PRKG1: variants seen among roughly 807,000 people sequenced by gnomAD.
The protein encoded by PRKG1 is cGMP-dependent protein kinase 1.
PRKG1 carries 35 observed loss-of-function variants against 88.1 expected under a neutral mutation model. That is an observed-to-expected ratio of 0.40 (90% CI 0.30 to 0.53). The LOEUF is 0.53. Ranked by LOEUF, PRKG1 falls within the 20% of genes least tolerant of loss-of-function variation. The pLI is 0.59. For synonymous variants in PRKG1, 303 were observed against 292.5 expected (o/e 1.04, Z -0.37); for missense variants, 540 against 839.8 (o/e 0.64, Z 4.41).
chr10:52,144,332 A>G (rs1397497293), intron 8 of PRKG1, among the ~76,000 whole-genome samples: 1 of 152,240 alleles, frequency 6.6e-6, no homozygotes, highest in Admixed American at 6.5e-5. Flanking sequence ...TCAAACTAAA[A>G]TAATCTAGAT....
At chr10:51,776,363 A>C (rs970908286) in intron 3 of PRKG1, among the ~76,000 whole-genome samples, 6 of 152,184 alleles carry the variant, frequency 3.9e-5, no homozygotes, top group African/African-American at 1.4e-4. Context: ...AAAAAATCTA[A>C]TAGATAGCTA....
chr10:52,251,420 A>T lies in PRKG1; in HGVS notation c.1077-150A>T, dbSNP rs568737958. Reference sequence around the variant, plus strand: ...TCTGCACAACTGGGACCAAAAAATTATGAGTGTGAGAAAACACAAACTCTA... The same window carrying T: ...TCTGCACAACTGGGACCAAAAAATTTTGAGTGTGAGAAAACACAAACTCTA... On this transcript the variant is annotated intron_variant, in intron 9 of 17. Transcript: ENST00000373980. 5.0e-5 allele frequency: 31 copies of T among 619,680 alleles called. 1 individual carries two copies. The South Asian group carries it at 6.8e-4, about 14-fold the overall frequency. 38.4% of individuals were successfully genotyped at this position (619,680 alleles called of 1,614,324 possible).
chr10:51,072,901 G>A (rs1843853286), upstream of PRKG1, among the ~76,000 whole-genome samples: 1 of 152,076 alleles, frequency 6.6e-6, no homozygotes, highest in Non-Finnish European at 1.5e-5. Context: ...CAGTGTGCAA[G>A]TTATTTTGAT....
chr10:51,980,987 G>A (rs529015914), intron 5 of PRKG1, among the ~76,000 whole-genome samples: 3 of 152,188 alleles, frequency 2.0e-5, no homozygotes, highest in South Asian at 4.1e-4. Flanking sequence ...TTACATTCAA[G>A]GTTAATATTG....
intron 5 of PRKG1, among the ~76,000 whole-genome samples, chr10:52,031,260 C>T (rs1418593917): frequency 1.3e-5 from 2 of 152,116 alleles, no homozygotes; most frequent in Non-Finnish European, 2.9e-5. Context: ...ATATGTAGCA[C>T]CTGTAAGAAA....
At chr10:51,157,216 T>G (rs975463198) in intron 2 of PRKG1, among the ~76,000 whole-genome samples, 3 of 151,952 alleles carry the variant, frequency 2.0e-5, no homozygotes, top group African/African-American at 7.2e-5. Flanking sequence ...CATTATCATG[T>G]ATTTTCAAGC....
At chr10:52,232,204 G>A (rs1840541300) in intron 9 of PRKG1, among the ~76,000 whole-genome samples, 1 of 152,092 alleles carries the variant, frequency 6.6e-6, no homozygotes, top group South Asian at 2.1e-4. Flanking sequence ...CAAGGAGGCT[G>A]AGCCAGGAGA....
intron 2 of PRKG1, among the ~76,000 whole-genome samples, chr10:51,210,018 T>C (rs1051287319): frequency 1.3e-5 from 2 of 152,138 alleles, no homozygotes; most frequent in Non-Finnish European, 2.9e-5. Context: ...TAATGTATCA[T>C]GCAACAATTT....
chr10:51,151,883 T>C (rs1403666064), intron 1 of PRKG1, among the ~76,000 whole-genome samples: 1 of 152,030 alleles, frequency 6.6e-6, no homozygotes, highest in African/African-American at 2.4e-5. Context: ...GAGGGAAGAC[T>C]AACGCTTTAG....
At chr10:51,201,328 T>C (rs947434534) in intron 2 of PRKG1, among the ~76,000 whole-genome samples, 2 of 152,074 alleles carry the variant, frequency 1.3e-5, no homozygotes, top group African/African-American at 4.8e-5. Flanking sequence ...GGCAGTTGCC[T>C]GTAATCCCAG....
In PRKG1 at chr10:51,153,314, G is replaced by A. The variant is rs1390239477; in HGVS notation, c.462G>A (p.Leu154=). ...TCAAAGAAGGAGACGTGGGGTCACT[G>A]GTGTATGTCATGGAAGGTACGGTTT... ...CIIKEGDVGS[L]VYVMEDGKVE... is the part of the protein sequence containing the mutation. The change falls in exon 2 of 18, where the codon CTG becomes CTA. Residue 154 remains leucine (L), a synonymous_variant. Transcript: ENST00000373980. 1.2e-6 allele frequency: 2 copies of A among 1,608,710 alleles called. No homozygotes were observed. The highest frequency in any genetic ancestry group is 1.7e-6 in the Non-Finnish European group (2 of 1,177,048).
Position 51,509,939 on chromosome 10 carries a change from G to T in PRKG1, c.592+42103G>T, listed in dbSNP as rs185502093. 1.1e-3 allele frequency among the ~76,000 whole-genome samples: 175 copies of T among 152,298 alleles called. 1 individual carries two copies. Among genetic ancestry groups the T allele is most frequent in the African/African-American group, 4.0e-3 (166 of 41,578 alleles). On this transcript the variant is annotated intron_variant, in intron 3 of 17. Transcript: ENST00000373980. ...TGTTATTGGGGTTGAAGTTGGGTGG[G>T]AGACCTAGAACCTGCTTTTAAGGAA...
chr10:51,477,545 C>T (rs1840234036), intron 3 of PRKG1, among the ~76,000 whole-genome samples: 2 of 151,836 alleles, frequency 1.3e-5, no homozygotes. Context: ...GGCCTCAGTT[C>T]TCTTACCTTC....
chr10:52,185,677 C>T (rs7905525), intron 9 of PRKG1, among the ~76,000 whole-genome samples: 5 of 152,048 alleles, frequency 3.3e-5, no homozygotes, highest in African/African-American at 7.3e-5. Flanking sequence ...GCTTCTGCCT[C>T]GGCACCCAGA....
At chr10:51,738,958 G>T (rs75814803) in intron 3 of PRKG1, among the ~76,000 whole-genome samples, 14 of 152,230 alleles carry the variant, frequency 9.2e-5, no homozygotes, top group African/African-American at 3.4e-4. Context: ...AGCAGAGCTG[G>T]CTTCCTAGAT....
chr10:52,177,347 G>GA (rs747960763), intron 9 of PRKG1, among the ~76,000 whole-genome samples: 3 of 151,878 alleles, frequency 2.0e-5, no homozygotes, highest in Non-Finnish European at 4.4e-5. Context: ...TGCATTTCTG[G>GA]AAAAAAATCC....
chr10:51,868,518 G>A (rs963882265), intron 4 of PRKG1, among the ~76,000 whole-genome samples: 1 of 151,722 alleles, frequency 6.6e-6, no homozygotes, highest in Non-Finnish European at 1.5e-5. Context: ...TCATCTGTAG[G>A]ATACTGAAAA....
intron 2 of PRKG1, among the ~76,000 whole-genome samples, chr10:51,158,073 T>G (rs944784718): frequency 6.6e-6 from 1 of 151,964 alleles, no homozygotes; most frequent in Non-Finnish European, 1.5e-5. Context: ...TATCATTGTC[T>G]GTACTCATCC....
intron 2 of PRKG1, among the ~76,000 whole-genome samples, chr10:51,215,695 C>G (rs762353781): frequency 2.6e-5 from 4 of 152,208 alleles, no homozygotes; most frequent in African/African-American, 9.6e-5. Flanking sequence ...CTCTCCCTCT[C>G]CATCCCTCTC....
Sources: gnomAD v4.1 joint callset for allele counts (sites outside exome capture counted in the v4.1 genomes callset) on GRCh38, gnomAD v4.1.1 for gene constraint, MANE v1.5 for transcripts, NCBI Gene and HGNC (gene_info 2026-07-23, HGNC 2026-07-21) for gene names.